Variants in PCDHGA2 observed in about 807,000 individuals in gnomAD.
PCDHGA2 encodes protocadherin gamma-A2.
Under a neutral mutation model 59.2 loss-of-function variants are expected in PCDHGA2, and 40 were observed. The ratio of observed to expected loss-of-function variants is 0.68; its 90% confidence interval spans 0.52 to 0.88. PCDHGA2 has a LOEUF of 0.88. Ranked by LOEUF, PCDHGA2 falls within the 40% of genes least tolerant of loss-of-function variation. The pLI, the probability that PCDHGA2 is intolerant of heterozygous loss-of-function variation, is 0.00. For synonymous variants in PCDHGA2, 560 were observed against 526.0 expected (o/e 1.06, Z -0.89); for missense variants, 1,226 against 1,204.0 (o/e 1.02, Z -0.27).
chr5:141,362,328 C>T (rs1351863626), intron 1 of PCDHGA2: 5 of 1,614,068 alleles, frequency 3.1e-6, no homozygotes, highest in Non-Finnish European at 4.2e-6. Context: ...AGCCTGGTCT[C>T]AGCTCCAAGC....
intron 1 of PCDHGA2, chr5:141,366,095 A>T: frequency 1.2e-6 from 2 of 1,614,228 alleles, no homozygotes; most frequent in African/African-American, 1.3e-5. Context: ...CTACCTGGTG[A>T]CCAAGGTGGT....
intron 1 of PCDHGA2, chr5:141,403,695 G>A (rs376074779): frequency 6.2e-7 from 1 of 1,613,780 alleles, no homozygotes; most frequent in Non-Finnish European, 8.5e-7. Flanking sequence ...CGGATTTACC[G>A]AGTTAAAGTC....
chr5:141,409,904 G>T lies in PCDHGA2; in HGVS notation c.2424+68509G>T, dbSNP rs757396196. 10 of 1,613,278 alleles carry T rather than the reference G, an allele frequency of 6.2e-6. No homozygotes were observed. The South Asian group carries it at 1.1e-4, about 18-fold the overall frequency. On this transcript the variant is annotated intron_variant, in intron 1 of 3. Coordinates refer to ENST00000394576, the MANE Select transcript of PCDHGA2 (RefSeq NM_018915.4). ...ACCGCGGGTGCTGTACCCAGCTCTGGGTCCTGACGGCTCCGCGTTCTTCGA... is the reference window on the plus strand; with the variant it reads ...ACCGCGGGTGCTGTACCCAGCTCTGTGTCCTGACGGCTCCGCGTTCTTCGA...
At position 141,478,875 on chromosome 5, in the gene PCDHGA2, G is replaced by A. The variant is rs913320768; in HGVS notation, c.2425-15932G>A. On this transcript the variant is annotated intron_variant, in intron 1 of 3. Coordinates refer to ENST00000394576, the MANE Select transcript of PCDHGA2 (RefSeq NM_018915.4). ...ACAAGATCTCAGCGATCAGAGTTTA[G>A]CTTGGTATCATTTACATTAGGAATA... The A allele has an allele frequency of 2.4e-6, 3 of 1,273,470 alleles. No homozygotes were observed. The South Asian group carries it at 4.8e-5, about 21-fold the overall frequency. 78.9% of individuals were successfully genotyped at this position (1,273,470 alleles called of 1,614,324 possible).
chr5:141,481,733 C>A (rs2099543522), intron 1 of PCDHGA2, among the ~76,000 whole-genome samples: 1 of 152,078 alleles, frequency 6.6e-6, no homozygotes, highest in Admixed American at 6.6e-5. Context: ...GCGGGCGGAT[C>A]ACGAGGTCAG....
chr5:141,358,814 G>A (rs1210992223), intron 1 of PCDHGA2, among the ~76,000 whole-genome samples: 1 of 152,204 alleles, frequency 6.6e-6, no homozygotes. Context: ...GATTTACGCT[G>A]CTTAGTAAGG....
rs529934949 is a variant in PCDHGA2 at position 141,383,902 on chromosome 5, A to C, written c.2424+42507A>C. ...TAGTCTGACAAAGGCAAAAGTACTG[A>C]TCACAGTTTTAGATGTAAATGATAA... On this transcript the variant is annotated intron_variant, in intron 1 of 3. Coordinates refer to ENST00000394576, the MANE Select transcript of PCDHGA2 (RefSeq NM_018915.4). The C allele has an allele frequency of 4.8e-5, 77 of 1,613,976 alleles. 1 individual carries two copies. The South Asian group carries it at 7.9e-4, about 17-fold the overall frequency.
chr5:141,409,736 G>A (rs1053484390), intron 1 of PCDHGA2: 3 of 1,613,110 alleles, frequency 1.9e-6, no homozygotes, highest in Non-Finnish European at 2.5e-6. Flanking sequence ...CGCGCAGAGC[G>A]GGGTGGTGTT....
chr5:141,382,962 G>T (rs1259468425), intron 1 of PCDHGA2: 2 of 1,607,858 alleles, frequency 1.2e-6, no homozygotes, highest in Non-Finnish European at 1.7e-6. Flanking sequence ...TCCTCCTGGG[G>T]ACCCCCTGGG....
chr5:141,417,004 AT>A (rs1462550813), intron 1 of PCDHGA2: 1 of 149,888 alleles, frequency 6.7e-6, no homozygotes, highest in African/African-American at 2.5e-5. Context: ...ATCTCAAATA[AT>A]TCTATTATTT....
At chr5:141,397,920 T>C (rs2093586320) in intron 1 of PCDHGA2, 1 of 726,984 alleles carries the variant, frequency 1.4e-6, no homozygotes, top group Non-Finnish European at 2.2e-6. Context: ...CCAGATCTCC[T>C]CGCGCAGCCG....
At chr5:141,343,326 C>CT (rs1561486328) in intron 1 of PCDHGA2, 2 of 980,058 alleles carry the variant, frequency 2.0e-6, no homozygotes. Context: ...TGTTTCTTTT[C>CT]TTTTTTTCCT....
chr5:141,384,089 C>T, intron 1 of PCDHGA2: 1 of 1,596,318 alleles, frequency 6.3e-7, no homozygotes, highest in South Asian at 1.1e-5. Context: ...TTAGAAAAAT[C>T]AATAGATAAT....
At chr5:141,419,159 T>G in intron 1 of PCDHGA2, 1 of 1,613,916 alleles carries the variant, frequency 6.2e-7, no homozygotes, top group Non-Finnish European at 8.5e-7. Flanking sequence ...TCCGTTATCC[T>G]CCAGCAAAAC....
chr5:141,419,122 C>T (rs1418298635), intron 1 of PCDHGA2: 2 of 1,613,862 alleles, frequency 1.2e-6, no homozygotes, highest in African/African-American at 1.3e-5. Flanking sequence ...ACAACGTCAC[C>T]ATCGCAGCCA....
In PCDHGA2 at chr5:141,352,432, A is replaced by G. The variant is rs1459496210; in HGVS notation, c.2424+11037A>G. The G allele has an allele frequency of 1.9e-6, 3 of 1,613,946 alleles. No homozygotes were observed. In the South Asian group the frequency reaches 3.3e-5, roughly 18 times the overall value. ...GCCTCGACACTGAGGGCTGCTTTCA[A>G]ACCGGTCTCTGCTCCAAGTCTGGGC... is the stretch of plus-strand genomic sequence containing the variant. On this transcript the variant is annotated intron_variant, in intron 1 of 3. Transcript: ENST00000394576.
Position 141,487,522 on chromosome 5 carries a change from T to G in PCDHGA2, c.2425-7285T>G, listed in dbSNP as rs764726787. Reference sequence around the variant, plus strand: ...TGGCTTCTGCACCCACTCGGAGTGATAGCTTCATGATGGTGAAGTCACCCA... The same window carrying G: ...TGGCTTCTGCACCCACTCGGAGTGAGAGCTTCATGATGGTGAAGTCACCCA... On this transcript the variant is annotated intron_variant, in intron 1 of 3. Transcript: ENST00000394576. This position sits in a 1 kb window ranked among gnomAD's most constrained non-coding sequence, Gnocchi z 5.0. The G allele has an allele frequency of 6.2e-7, 1 of 1,614,166 alleles. No individual in the cohort carries two copies. The highest frequency in any genetic ancestry group is 8.5e-7 in the Non-Finnish European group (1 of 1,180,022).
At chr5:141,413,561 A>G in intron 1 of PCDHGA2, 1 of 1,613,924 alleles carries the variant, frequency 6.2e-7, no homozygotes. Flanking sequence ...GAAGTAACTG[A>G]TATCAATGAC....
chr5:141,404,103 G>C lies in PCDHGA2; in HGVS notation c.2424+62708G>C, dbSNP rs773489391. 14 of 1,613,372 alleles carry C rather than the reference G, an allele frequency of 8.7e-6. No homozygotes were observed. In the East Asian group the frequency reaches 2.9e-4, roughly 33 times the overall value. On this transcript the variant is annotated intron_variant, in intron 1 of 3. Transcript: ENST00000394576. ...TCCGGGAAGAATGGTCAAGTTGTCT[G>C]TTCTATCCAGGAGAATCTATCTTTT...
Sources: allele counts gnomAD v4.1 joint callset (sites outside exome capture counted in the v4.1 genomes callset), GRCh38; gene constraint gnomAD v4.1.1; non-coding constraint Gnocchi (gnomAD v3.1); transcripts MANE v1.5; gene names NCBI Gene and HGNC (gene_info 2026-07-23, HGNC 2026-07-21).